Variants in TENM1 observed in about 807,000 individuals in gnomAD.
TENM1 encodes teneurin transmembrane protein 1, also known as teneurin-1.
Under a neutral mutation model 174.8 loss-of-function variants are expected in TENM1, and 35 were observed. That is an observed-to-expected ratio of 0.20 (90% CI 0.15 to 0.27). The LOEUF is 0.27. Among genes scored for constraint, TENM1 ranks in the 10% least tolerant of loss-of-function variants. The pLI is 1.00. For synonymous variants in TENM1, 781 were observed against 798.7 expected, an observed-to-expected ratio of 0.98 and a Z score of 0.37; for missense variants, 1,633 against 2,130.1, an observed-to-expected ratio of 0.77 and a Z score of 4.59.
At chrX:125,002,632 A>G in the TENM1 span, among the ~76,000 whole-genome samples, 2 of 111,650 alleles carry the variant, frequency 1.8e-5, no homozygotes, top group Admixed American at 9.6e-5. Context: ...AGAGTCCCCA[A>G]TATAAAAACA....
chrX:125,142,263 C>A, the TENM1 span, among the ~76,000 whole-genome samples: 2 of 111,601 alleles, frequency 1.8e-5, no homozygotes, highest in Admixed American at 9.6e-5. Flanking sequence ...TTTTAACTGA[C>A]ATGATTTCCC....
chrX:124,785,525 C>T (rs2055015116), intron 3 of TENM1, among the ~76,000 whole-genome samples: 2 of 111,909 alleles, frequency 1.8e-5, no homozygotes, highest in Non-Finnish European at 3.8e-5. Context: ...CATGTAGCTT[C>T]CCAACAGGAA....
At chrX:124,705,084 T>C (rs2052866501) in exon 5 of TENM1, 1 of 1,209,437 alleles carries the variant, frequency 8.3e-7, no homozygotes, top group African/African-American at 1.8e-5. Context: ...GCACTTCCAG[T>C]TGCAGCACCT....
rs143967184 is a variant in TENM1, at chrX:124,867,161, C to T, written c.535+27135G>A. Reference sequence around the variant, plus strand: ...CTATAGGTCCAATATTACCCTGATACCAAAACCAGATAAAGACATATCAAA... The same window carrying T: ...CTATAGGTCCAATATTACCCTGATATCAAAACCAGATAAAGACATATCAAA... On this transcript the variant is annotated intron_variant, in intron 3 of 31. Transcript: ENST00000422452. 4.5e-5 allele frequency among the ~76,000 whole-genome samples: 5 copies of T among 111,265 alleles called. No individual in the cohort carries two copies. The Admixed American group carries it at 4.8e-4, about 11-fold the overall frequency.
the TENM1 span, among the ~76,000 whole-genome samples, chrX:125,170,055 C>G: frequency 9.0e-6 from 1 of 111,200 alleles, no homozygotes; most frequent in Admixed American, 9.6e-5. Context: ...AAATGTCTCC[C>G]TCATTGGACT....
chrX:124,966,311 C>T (rs2058724342), upstream of TENM1, among the ~76,000 whole-genome samples: 1 of 111,877 alleles, frequency 8.9e-6, no homozygotes, highest in Non-Finnish European at 1.9e-5. Context: ...ACCCTAGCTG[C>T]ACTAACCCTC....
At chrX:124,801,916 C>T (rs1044464526) in intron 3 of TENM1, among the ~76,000 whole-genome samples, 1 of 111,619 alleles carries the variant, frequency 9.0e-6, no homozygotes, top group African/African-American at 3.3e-5. Context: ...TATTGGCCCC[C>T]ACTCTCTTCT....
chrX:124,754,977 G>A (rs1419914836), intron 3 of TENM1, among the ~76,000 whole-genome samples: 1 of 104,136 alleles, frequency 9.6e-6, no homozygotes, highest in African/African-American at 3.8e-5. Context: ...GATTTGGGGT[G>A]GAGAGTTCTG....
At chrX:125,070,980 C>T in the TENM1 span, among the ~76,000 whole-genome samples, 5 of 111,888 alleles carry the variant, frequency 4.5e-5, no homozygotes, top group Admixed American at 1.9e-4. Flanking sequence ...ATCAGCTCTT[C>T]AAACAGAAAG....
In TENM1 at chrX:124,697,389, G is replaced by A. The variant is rs1346768670; in HGVS notation, c.1015+7624C>T. 4.5e-5 allele frequency among the ~76,000 whole-genome samples: 5 copies of A among 111,099 alleles called. No homozygotes were observed. In the South Asian group the frequency reaches 1.1e-3, roughly 25 times the overall value. On this transcript the variant is annotated intron_variant, in intron 5 of 31. Coordinates refer to ENST00000422452, the Ensembl canonical transcript of TENM1. The stretch of plus-strand genomic sequence containing the variant: ...GTTACACTGTAATCTGAAATTCCAC[G>A]TGGGTCTTGCCTGTATGGAGGATGC...
chrX:124,913,486 A>G (rs2032492), intron 1 of TENM1, among the ~76,000 whole-genome samples: 1,549 of 111,976 alleles, frequency 0.014, 20 homozygotes, highest in African/African-American at 0.048. Flanking sequence ...TATATGGTAC[A>G]CACTGTGAGC....
At chrX:124,600,040 G>GTGTA (rs1044898529) in intron 11 of TENM1, among the ~76,000 whole-genome samples, 10 of 108,160 alleles carry the variant, frequency 9.2e-5, no homozygotes, top group Admixed American at 4.0e-4. Flanking sequence ...GTGTGTGTGT[G>GTGTA]TATATATATA....
At chrX:124,557,824 T>C (rs2048728290) in intron 14 of TENM1, among the ~76,000 whole-genome samples, 1 of 112,157 alleles carries the variant, frequency 8.9e-6, no homozygotes. Flanking sequence ...ACTCAGTTAA[T>C]ATAATGTCCA....
upstream of TENM1, among the ~76,000 whole-genome samples, chrX:124,967,091 A>G (rs1434355139): frequency 1.8e-5 from 2 of 112,114 alleles, no homozygotes; most frequent in Non-Finnish European, 3.8e-5. Flanking sequence ...TTTGAGCACT[A>G]AAGATGAAGA....
the TENM1 span, among the ~76,000 whole-genome samples, chrX:125,161,338 GT>G: frequency 1.8e-5 from 2 of 111,506 alleles, no homozygotes; most frequent in Admixed American, 1.9e-4. Context: ...TACTGTATTA[GT>G]TTTTAATTCA....
chrX:125,108,731 T>C, the TENM1 span, among the ~76,000 whole-genome samples: 2 of 91,762 alleles, frequency 2.2e-5, no homozygotes, highest in East Asian at 6.4e-4. Flanking sequence ...TATATATATA[T>C]ATACACACAC....
chrX:124,684,622 G>A (rs1005361630), intron 5 of TENM1, among the ~76,000 whole-genome samples: 7 of 109,665 alleles, frequency 6.4e-5, no homozygotes, highest in Non-Finnish European at 1.3e-4. Context: ...CACTAAACAT[G>A]GCTGGTCCCT....
intron 27 of TENM1, among the ~76,000 whole-genome samples, chrX:124,398,890 TAG>T (rs2060368676): frequency 8.9e-6 from 1 of 112,137 alleles, no homozygotes. Flanking sequence ...TTTGTTTACA[TAG>T]TGATAGATTT....
At chrX:124,448,224 C>T (rs1330657312) in intron 23 of TENM1, among the ~76,000 whole-genome samples, 1 of 112,130 alleles carries the variant, frequency 8.9e-6, no homozygotes, top group East Asian at 2.8e-4. Context: ...CTGCATAAAG[C>T]TGAGCAGTGT....
Sources: allele counts gnomAD v4.1 joint callset (sites outside exome capture counted in the v4.1 genomes callset), GRCh38; gene constraint gnomAD v4.1.1; transcripts MANE v1.5; gene names NCBI Gene and HGNC (gene_info 2026-07-23, HGNC 2026-07-21).